RNF213: variants seen among roughly 807,000 people sequenced by gnomAD.
RNF213 encodes ring finger protein 213.
In RNF213, 341 loss-of-function variants were observed where a neutral mutation model predicts 514.4. The observed-to-expected ratio is 0.66, with a 90% CI of 0.61 to 0.73. The LOEUF is 0.73. Ranked by LOEUF, RNF213 falls within the 30% of genes least tolerant of loss-of-function variation. The pLI, the probability that RNF213 is intolerant of heterozygous loss-of-function variation, is 0.00. For synonymous variants in RNF213, 2,655 were observed against 2,658.2 expected (o/e 1.00, Z 0.04); for missense variants, 5,767 against 6,615.6 (o/e 0.87, Z 4.45).
rs777863968 is a variant in RNF213 at position 80,376,580 on chromosome 17, A to G, written c.13428+37A>G. 6 of 1,613,308 alleles carry G rather than the reference A, an allele frequency of 3.7e-6. No individual in the cohort carries two copies. In the Admixed American group the frequency reaches 8.3e-5, roughly 22 times the overall value. On this transcript the variant is annotated intron_variant, in intron 52 of 67. Coordinates refer to ENST00000582970, the MANE Select transcript of RNF213 (RefSeq NM_001256071.3). The stretch of plus-strand genomic sequence containing the variant: ...CCACAATTCCATCGGCCTTCACTGG[A>G]ACACCCCCCAGAGCTTGTCACTGTA...
chr17:80,364,017 T>C (rs544637752), intron 41 of RNF213, among the ~76,000 whole-genome samples: 1 of 152,292 alleles, frequency 6.6e-6, no homozygotes, highest in South Asian at 2.1e-4. Context: ...GCGCACTGTG[T>C]ACTGGGGCCG....
At position 80,315,594 on chromosome 17, in the gene RNF213, G is replaced by GAGGTAATGGAAGTGA. The variant is rs2045879234; in HGVS notation, c.2812-1594_2812-1593insAGGTAATGGAAGTGA. On this transcript the variant is annotated intron_variant, in intron 15 of 67. Transcript: ENST00000582970. ...GGTAATGGAGGTGATGGTGGTGGTG[G>GAGGTAATGGAAGTGA]TGGTGGTACTGGAGGTGATGGTGGT... The GAGGTAATGGAAGTGA allele has an allele frequency of 4.6e-4, 4 of 8,738 alleles. 1 individual carries two copies. The African/African-American group carries it at 5.0e-3, about 11-fold the overall frequency. The allele number at this position is 8,738 out of a possible 1,614,324, so 0.5% of individuals were successfully genotyped here.
At chr17:80,315,239 GGTGATGGTGGTGGAC>G (rs1162551596) in intron 15 of RNF213, among the ~76,000 whole-genome samples, 1 of 33,628 alleles carries the variant, frequency 3.0e-5, no homozygotes, top group Non-Finnish European at 5.1e-5. Flanking sequence ...AGGTACTGGA[GGTGATGGTGGTGGAC>G]GTGATGGTGG....
intron 17 of RNF213, chr17:80,319,776 T>A (rs2046076259): frequency 7.9e-7 from 1 of 1,262,056 alleles, no homozygotes; most frequent in Middle Eastern, 3.3e-4. Context: ...GAAGAGATTG[T>A]GCCCCCCTGT....
chr17:80,386,241 C>A lies in RNF213; in HGVS notation c.14540-9C>A, dbSNP rs373630555. 12 of 1,604,744 alleles carry A rather than the reference C, an allele frequency of 7.5e-6. No individual in the cohort carries two copies. The highest frequency in any genetic ancestry group is 1.0e-5 in the Non-Finnish European group (12 of 1,179,758). ...CCTCTCTGCTTAAGCATAACCCTGTCGTTTAAAGGTGAGATCAACCTACCC... is the reference window on the plus strand; with the variant it reads ...CCTCTCTGCTTAAGCATAACCCTGTAGTTTAAAGGTGAGATCAACCTACCC... On this transcript the variant is annotated splice_polypyrimidine_tract_variant and intron_variant, in intron 61 of 67. Transcript: ENST00000582970.
chr17:80,335,620 C>A (rs1397276106), intron 22 of RNF213, among the ~76,000 whole-genome samples: 2 of 152,128 alleles, frequency 1.3e-5, no homozygotes, highest in Admixed American at 1.3e-4. Flanking sequence ...CACAGAAGTG[C>A]AGTACAGTGC....
chr17:80,346,317 A>G lies in RNF213; in HGVS notation c.7982A>G (p.Gln2661Arg). Reference protein sequence around the residue: ...FHEHSAMLLAQLNAFLSKSSV... With the variant: ...FHEHSAMLLARLNAFLSKSSV... Reference sequence around the variant, plus strand: ...GAGCACAGCGCGATGCTCTTAGCGCAGCTGAATGCCTTTCTCTCCAAGTCC... The same window carrying G: ...GAGCACAGCGCGATGCTCTTAGCGCGGCTGAATGCCTTTCTCTCCAAGTCC... The change falls in exon 29 of 68, where the codon CAG becomes CGG. Residue 2661 changes from glutamine to arginine, a missense_variant. Transcript: ENST00000582970. The surrounding 1 kb of genome is among the most constrained non-coding windows in gnomAD (Gnocchi z 8.1). 2 of 1,614,068 alleles carry G rather than the reference A, an allele frequency of 1.2e-6. No individual in the cohort carries two copies. The highest frequency in any genetic ancestry group is 1.7e-6 in the Non-Finnish European group (2 of 1,180,034).
At chr17:80,290,412 T>TAC (rs2044661968) in intron 6 of RNF213, among the ~76,000 whole-genome samples, 158 bp from the exon 7 acceptor site, 1 of 134,062 alleles carries the variant, frequency 7.5e-6, no homozygotes, top group Non-Finnish European at 1.6e-5. Flanking sequence ...CTTGTGTGTG[T>TAC]GCGTGTGTGC....
In RNF213 at chr17:80,338,897, G is replaced by A. The variant is rs189505109; in HGVS notation, c.4834-304G>A. On this transcript the variant is annotated intron_variant, in intron 25 of 67. Transcript: ENST00000582970. ...CAGGAGGCAGAGGTTGCAGTGAGCC[G>A]AGATCACACCACTGCACTCCAGCCT... Among the ~76,000 whole-genome samples the A allele has an allele frequency of 4.4e-3, 643 of 146,042 alleles. 3 individuals carry two copies. The highest frequency in any genetic ancestry group is 7.9e-3 in the Admixed American group (116 of 14,630).
rs983006419 is a variant in RNF213 at position 80,328,501 on chromosome 17, A to C, written c.3517+24A>C. The C allele has an allele frequency of 1.3e-5, 20 of 1,536,914 alleles. No homozygotes were observed. The Admixed American group carries it at 3.9e-4, about 30-fold the overall frequency. ...AGGTGGTATTCCTGAGAAGTGAACA[A>C]AGTTGAGGGCTCTCAAAGGGTTAGA... is the stretch of plus-strand genomic sequence containing the variant. On this transcript the variant is annotated intron_variant, in intron 20 of 67. Coordinates refer to ENST00000582970, the MANE Select transcript of RNF213 (RefSeq NM_001256071.3).
At chr17:80,327,358 G>C (rs1230100708) in intron 18 of RNF213, among the ~76,000 whole-genome samples, 2 of 152,190 alleles carry the variant, frequency 1.3e-5, no homozygotes, top group African/African-American at 4.8e-5. Context: ...AAGTTTGCCA[G>C]GCATGGTGCT....
rs939068083 is a variant in RNF213, at chr17:80,339,710, C to G, written c.5343C>G (p.Ile1781Met). The change falls in exon 26 of 68, where the codon ATC (isoleucine) becomes ATG (methionine). Residue 1781 changes from isoleucine to methionine, a missense_variant. This residue lies in a region of RNF213 where 1,377 missense variants were observed against 1,635.2 expected (regional missense o/e 0.84). Coordinates refer to ENST00000582970, the MANE Select transcript of RNF213 (RefSeq NM_001256071.3). ...GCCTGGTGGACAAGCTGAGGATCATCATGGAGCAGTCCATGAGGTGCCTTC... is the reference window on the plus strand; with the variant it reads ...GCCTGGTGGACAAGCTGAGGATCATGATGGAGCAGTCCATGAGGTGCCTTC... ...EFSLVDKLRI[I>M]MEQSMRCLPA... 9 of 1,537,102 alleles carry G rather than the reference C, an allele frequency of 5.9e-6. No individual in the cohort carries two copies. The highest frequency in any genetic ancestry group is 2.0e-5 in the Admixed American group (1 of 50,990).
intron 67 of RNF213, among the ~76,000 whole-genome samples, chr17:80,392,420 C>A (rs938273326): frequency 6.6e-6 from 1 of 152,132 alleles, no homozygotes; most frequent in Admixed American, 6.5e-5. Flanking sequence ...AAATAAACAT[C>A]ACCTTGCTAG....
At chr17:80,326,276 C>T (rs1037329364) in intron 18 of RNF213, among the ~76,000 whole-genome samples, 2 of 152,196 alleles carry the variant, frequency 1.3e-5, no homozygotes, top group Non-Finnish European at 2.9e-5. Context: ...AGGCGTGCAC[C>T]ACCATACCCA....
At chr17:80,265,047 T>TG (rs56976962) in intron 2 of RNF213, among the ~76,000 whole-genome samples, 4 of 146,986 alleles carry the variant, frequency 2.7e-5, no homozygotes, top group African/African-American at 5.1e-5. Flanking sequence ...TTTGTTTGTT[T>TG]TTTTTTTTTT....
intron 59 of RNF213, among the ~76,000 whole-genome samples, chr17:80,384,190 G>A (rs2080137371): frequency 6.6e-6 from 1 of 152,206 alleles, no homozygotes; most frequent in Admixed American, 6.5e-5. Flanking sequence ...TGGAGGCCAG[G>A]AGAGGACCTC....
intron 17 of RNF213, 34 bp downstream of exon 17, chr17:80,319,346 G>A: frequency 6.2e-7 from 1 of 1,614,212 alleles, no homozygotes; most frequent in Non-Finnish European, 8.5e-7. Flanking sequence ...AACGGATTCG[G>A]GCTCACAGCT....
Position 80,358,462 on chromosome 17 carries a change from T to C in RNF213, c.11037T>C (p.Leu3679=), listed in dbSNP as rs747161345. Residue 3679 remains leucine, a synonymous_variant, in exon 37 of 68, where the codon CTT becomes CTC. Transcript: ENST00000582970. ...FSDTMLLNIP[L]VMNNERHKGE... Reference sequence around the variant, plus strand: ...ACACGATGCTTCTGAACATTCCTCTTGTGATGAATAATGAAAGGTGAGTGG... The same window carrying C: ...ACACGATGCTTCTGAACATTCCTCTCGTGATGAATAATGAAAGGTGAGTGG... The C allele has an allele frequency of 4.3e-6, 7 of 1,613,908 alleles. No individual in the cohort carries two copies. The Admixed American group carries it at 1.0e-4, about 23-fold the overall frequency.
Position 80,340,376 on chromosome 17 carries a change from G to A in RNF213, c.5989+20G>A. On this transcript the variant is annotated intron_variant, in intron 26 of 67. Coordinates refer to ENST00000582970, the MANE Select transcript of RNF213 (RefSeq NM_001256071.3). ...GTGTTGGTAAGGAGAGCGGCAGGGT[G>A]GGCAGGCCCCGTCTCCCAGGGACTG... The A allele has an allele frequency of 3.8e-6, 6 of 1,594,372 alleles. No homozygotes were observed. Among genetic ancestry groups the A allele is most frequent in the Non-Finnish European group, 5.1e-6 (6 of 1,174,362 alleles).
Sources: gnomAD v4.1 joint callset for allele counts (sites outside exome capture counted in the v4.1 genomes callset) on GRCh38, gnomAD v4.1.1 for gene constraint, gnomAD v4.1.1 regional missense constraint, Gnocchi (gnomAD v3.1) non-coding constraint, MANE v1.5 for transcripts, NCBI Gene and HGNC (gene_info 2026-07-23, HGNC 2026-07-21) for gene names.